The following ZNF423 variants were observed in gnomAD, a reference collection of about 807,000 sequenced individuals.
ZNF423 encodes the protein Ebf-associated zinc finger protein.
A neutral mutation model predicts 95.8 loss-of-function variants in ZNF423; 12 were observed. The observed-to-expected ratio is 0.13, with a 90% CI of 0.08 to 0.20. The LOEUF is 0.20. Among genes scored for constraint, ZNF423 ranks in the 10% least tolerant of loss-of-function variants. The pLI is 1.00. For missense variants in ZNF423, 1,316 were observed against 1,737.1 expected, an observed-to-expected ratio of 0.76 and a Z score of 4.31; for synonymous variants, 749 against 711.9, an observed-to-expected ratio of 1.05 and a Z score of -0.83.
intron 3 of ZNF423, among the ~76,000 whole-genome samples, chr16:49,640,535 G>A (rs1170309180): frequency 1.3e-5 from 2 of 152,148 alleles, no homozygotes; most frequent in Non-Finnish European, 2.9e-5. Context: ...CTGATTGGGG[G>A]GTCTTGAGGG....
intron 1 of ZNF423, among the ~76,000 whole-genome samples, chr16:49,834,415 T>C (rs977643809): frequency 1.3e-5 from 2 of 152,212 alleles, no homozygotes; most frequent in African/African-American, 4.8e-5. Flanking sequence ...CAGAGAGGGT[T>C]GGTGGAGTTC....
At chr16:49,639,583 C>T (rs1026455957) in intron 3 of ZNF423, among the ~76,000 whole-genome samples, 2 of 152,152 alleles carry the variant, frequency 1.3e-5, no homozygotes, top group African/African-American at 4.8e-5. Flanking sequence ...ATCCTGAGAC[C>T]CTTGTTTTCT....
chr16:49,547,270 C>G (rs1426050085), intron 5 of ZNF423, among the ~76,000 whole-genome samples: 1 of 152,122 alleles, frequency 6.6e-6, no homozygotes, highest in Non-Finnish European at 1.5e-5. Context: ...AAAGGTCCCA[C>G]TCTGTTGGTT....
intron 2 of ZNF423, among the ~76,000 whole-genome samples, chr16:49,768,118 C>T (rs1485099482): frequency 6.6e-6 from 1 of 152,228 alleles, no homozygotes; most frequent in African/African-American, 2.4e-5. Context: ...CTGGGCTGCA[C>T]GAGGCTGGCA....
intron 3 of ZNF423, among the ~76,000 whole-genome samples, chr16:49,705,635 C>T (rs1357900315): frequency 6.6e-6 from 1 of 152,178 alleles, no homozygotes; most frequent in Non-Finnish European, 1.5e-5. Context: ...GCAACCTCTA[C>T]CTCCCTGGTT....
chr16:49,571,050 C>A (rs986831356), intron 5 of ZNF423, among the ~76,000 whole-genome samples: 1 of 152,224 alleles, frequency 6.6e-6, no homozygotes, highest in Non-Finnish European at 1.5e-5. Flanking sequence ...GAAGGCCTAA[C>A]TGGAAGAGTC....
chr16:49,789,480 C>A lies in ZNF423; in HGVS notation c.100+7G>T. 2 of 1,611,794 alleles carry A rather than the reference C, an allele frequency of 1.2e-6. No homozygotes were observed. Among genetic ancestry groups the A allele is most frequent in the Non-Finnish European group, 1.7e-6 (2 of 1,179,306 alleles). On this transcript the variant is annotated splice_region_variant and intron_variant, in intron 2 of 7. Transcript: ENST00000563137. ...TGCAACTCTTCCACCAGCCCCCGGG[C>A]ATTTACCTGCTGCTGTCACGGAGGA... is the stretch of plus-strand genomic sequence containing the variant.
intron 3 of ZNF423, among the ~76,000 whole-genome samples, chr16:49,644,263 G>T (rs1018297080): frequency 6.6e-6 from 1 of 152,142 alleles, no homozygotes; most frequent in Non-Finnish European, 1.5e-5. Flanking sequence ...ACACTAGGGG[G>T]ACTCTCTGCA....
rs779555962 is a variant in ZNF423 at position 49,637,174 on chromosome 16, G to T, written c.2002C>A (p.Arg668=). The T allele has an allele frequency of 1.9e-6, 3 of 1,613,686 alleles. No homozygotes were observed. Among genetic ancestry groups the T allele is most frequent in the Admixed American group, 3.3e-5 (2 of 60,006 alleles). ...TTGCACTGGGGGCACGCTTGCTTCCGCAGCAGCAGCTCCAGGTGCAGCTTC... is the reference window on the plus strand; with the variant it reads ...TTGCACTGGGGGCACGCTTGCTTCCTCAGCAGCAGCTCCAGGTGCAGCTTC... The part of the protein sequence containing the change: ...HLKLHLELLL[R]KQACPQCKED... Residue 668 remains arginine, a synonymous_variant, in exon 4 of 8, where the codon CGG becomes AGG. Transcript: ENST00000563137. This position sits in a 1 kb window ranked among gnomAD's most constrained non-coding sequence, Gnocchi z 5.6.
intron 3 of ZNF423, among the ~76,000 whole-genome samples, chr16:49,662,292 T>C (rs2030278131): frequency 6.6e-6 from 1 of 152,184 alleles, no homozygotes; most frequent in Admixed American, 6.5e-5. Flanking sequence ...CACTCCCTTC[T>C]GAACTCCCTT....
intron 3 of ZNF423, among the ~76,000 whole-genome samples, chr16:49,693,085 T>C (rs1245361218): frequency 6.6e-6 from 1 of 152,160 alleles, no homozygotes; most frequent in Non-Finnish European, 1.5e-5. Flanking sequence ...ATAAAAAGAG[T>C]GATAGCTAAC....
chr16:49,576,439 G>A (rs1369989207), intron 5 of ZNF423, among the ~76,000 whole-genome samples: 1 of 152,234 alleles, frequency 6.6e-6, no homozygotes, highest in Non-Finnish European at 1.5e-5. Flanking sequence ...AGTCTATTGA[G>A]TGTTAGCCCC....
intron 2 of ZNF423, among the ~76,000 whole-genome samples, chr16:49,746,295 C>CT (rs1197683456): frequency 4.6e-5 from 7 of 152,074 alleles, no homozygotes; most frequent in African/African-American, 1.4e-4. Context: ...AGCAGAGCAG[C>CT]TTCCTGTGAG....
intron 2 of ZNF423, among the ~76,000 whole-genome samples, chr16:49,733,491 G>T (rs566928680): frequency 6.6e-6 from 1 of 152,052 alleles, no homozygotes; most frequent in Non-Finnish European, 1.5e-5. Context: ...CTGTTGACTC[G>T]GGAGTAGATA....
intron 5 of ZNF423, among the ~76,000 whole-genome samples, chr16:49,553,855 T>A (rs1435465832): frequency 2.6e-5 from 4 of 152,218 alleles, no homozygotes; most frequent in Admixed American, 6.5e-5. Flanking sequence ...TTAGGGTTGC[T>A]CAGAAGATGA....
At chr16:49,851,035 C>G (rs1403072655) in intron 1 of ZNF423, among the ~76,000 whole-genome samples, 1 of 152,184 alleles carries the variant, frequency 6.6e-6, no homozygotes, top group Non-Finnish European at 1.5e-5. Flanking sequence ...GTGACTTGCC[C>G]CTTTGGTACC....
intron 1 of ZNF423, among the ~76,000 whole-genome samples, chr16:49,799,218 A>T (rs890313919): frequency 5.3e-5 from 8 of 152,230 alleles, no homozygotes; most frequent in Admixed American, 3.9e-4. Flanking sequence ...GTTGGAGAGG[A>T]CCAAATGAGA....
At chr16:49,673,600 C>G (rs2030916117) in intron 3 of ZNF423, among the ~76,000 whole-genome samples, 1 of 152,252 alleles carries the variant, frequency 6.6e-6, no homozygotes, top group Non-Finnish European at 1.5e-5. Context: ...GCTGATGGTA[C>G]AAACACACAT....
chr16:49,600,405 G>A lies in ZNF423; in HGVS notation c.3601+25765C>T, dbSNP rs146982770. 1.0e-3 allele frequency among the ~76,000 whole-genome samples: 156 copies of A among 152,164 alleles called. 1 individual carries two copies. Among genetic ancestry groups the A allele is most frequent in the African/African-American group, 3.6e-3 (148 of 41,512 alleles). ...ATGGAGGCAGCAAGGACCCTCACTC[G>A]GGCAGCTCTCCCCACAGGATGCGAT... On this transcript the variant is annotated intron_variant, in intron 5 of 7. Coordinates refer to ENST00000563137, the MANE Select transcript of ZNF423 (RefSeq NM_001379286.1).
Sources: allele counts gnomAD v4.1 joint callset (sites outside exome capture counted in the v4.1 genomes callset), GRCh38; gene constraint gnomAD v4.1.1; non-coding constraint Gnocchi (gnomAD v3.1); transcripts MANE v1.5; gene names NCBI Gene and HGNC (gene_info 2026-07-23, HGNC 2026-07-21).